COMMD1: variants seen among roughly 807,000 people sequenced by gnomAD.
The protein encoded by COMMD1 is COMM domain-containing protein 1.
Under a neutral mutation model 17.2 loss-of-function variants are expected in COMMD1, and 10 were observed. The ratio of observed to expected loss-of-function variants is 0.58; its 90% CI spans 0.36 to 0.99. COMMD1 has a LOEUF of 0.99. Among genes scored for constraint, COMMD1 ranks in the 50% least tolerant of loss-of-function variants. The pLI, the probability that COMMD1 is intolerant of heterozygous loss-of-function variation, is 0.01. For missense variants in COMMD1, 270 were observed against 231.8 expected (o/e 1.17, Z -1.07); for synonymous variants, 97 against 91.6 (o/e 1.06, Z -0.34).
chr2:62,116,333 CAG>C lies in COMMD1; in HGVS notation c.463-19494_463-19493del, dbSNP rs201932102. Reference sequence around the variant, plus strand: ...TGCCAAACCAAGTTGATGAGATAAACAGAGACTGTAATTTTACAGAGAAACTA... The same window carrying C: ...TGCCAAACCAAGTTGATGAGATAAACAGACTGTAATTTTACAGAGAAACTA... On this transcript the variant is annotated intron_variant, in intron 2 of 2. Transcript: ENST00000311832. Among the ~76,000 whole-genome samples the C allele has an allele frequency of 7.6e-4, 115 of 152,260 alleles. 1 individual carries two copies. In the East Asian group the frequency reaches 0.02, roughly 27 times the overall value.
At chr2:62,115,844 C>T (rs896517299) in intron 2 of COMMD1, among the ~76,000 whole-genome samples, 6 of 104,016 alleles carry the variant, frequency 5.8e-5, no homozygotes, top group Admixed American at 9.7e-5. Context: ...TTCTTTCTTT[C>T]TTTCTTTCTT....
At chr2:61,999,813 C>T (rs1227187707) in intron 1 of COMMD1, among the ~76,000 whole-genome samples, 1 of 151,988 alleles carries the variant, frequency 6.6e-6, no homozygotes, top group African/African-American at 2.4e-5. Flanking sequence ...TTATTGATAC[C>T]GAATTGAGTG....
chr2:61,969,533 C>G (rs531931001), intron 1 of COMMD1, among the ~76,000 whole-genome samples: 4 of 152,314 alleles, frequency 2.6e-5, no homozygotes, highest in East Asian at 3.9e-4. Context: ...GGAAACTTGA[C>G]AGAACTGTTG....
At position 61,967,409 on chromosome 2, in the gene COMMD1, G is replaced by A. The variant is rs537424232; in HGVS notation, c.181-33292G>A. On this transcript the variant is annotated intron_variant, in intron 1 of 2. Coordinates refer to ENST00000311832, the MANE Select transcript of COMMD1 (RefSeq NM_152516.4). The stretch of plus-strand genomic sequence containing the variant: ...AATTACCTCATGGTGGACTGGTAGT[G>A]AAGTTTGTGGTCTGGCACTGATATG... Among the ~76,000 whole-genome samples, 9 of 152,290 alleles carry A rather than the reference G, an allele frequency of 5.9e-5. No homozygotes were observed. In the East Asian group the frequency reaches 1.5e-3, roughly 26 times the overall value.
In COMMD1 at chr2:62,078,031, T is replaced by A. The variant is rs75265842; in HGVS notation, c.463-57800T>A. On this transcript the variant is annotated intron_variant, in intron 2 of 2. Coordinates refer to ENST00000311832, the MANE Select transcript of COMMD1 (RefSeq NM_152516.4). Reference sequence around the variant, plus strand: ...TGGCTCAGGCCTATAATCACAGAACTTTGGGAGGCCGAAGCAGGCGGATCA... The same window carrying A: ...TGGCTCAGGCCTATAATCACAGAACATTGGGAGGCCGAAGCAGGCGGATCA... Among the ~76,000 whole-genome samples, 5 of 152,052 alleles carry A rather than the reference T, an allele frequency of 3.3e-5. No individual in the cohort carries two copies. The East Asian group carries it at 9.7e-4, about 29-fold the overall frequency.
intron 1 of COMMD1, among the ~76,000 whole-genome samples, chr2:61,982,664 CTGTT>C (rs1364793041): frequency 1.3e-5 from 2 of 152,014 alleles, no homozygotes; most frequent in Admixed American, 6.6e-5. Context: ...TCTTTCTATC[CTGTT>C]TGTTTGTGTG....
chr2:62,019,044 T>TC (rs1558564698), intron 2 of COMMD1, among the ~76,000 whole-genome samples: 387 of 33,688 alleles, frequency 0.011, 8 homozygotes, highest in African/African-American at 0.042. Context: ...CCTCCCTCCC[T>TC]CCTTCCTTCC....
At chr2:61,917,818 A>G (rs1481170704) in intron 1 of COMMD1, among the ~76,000 whole-genome samples, 1 of 152,250 alleles carries the variant, frequency 6.6e-6, no homozygotes, top group East Asian at 1.9e-4. Flanking sequence ...GGCGTGAGCC[A>G]CTGCGCCCGG....
At chr2:62,051,244 A>T (rs1670524789) in intron 2 of COMMD1, among the ~76,000 whole-genome samples, 1 of 152,098 alleles carries the variant, frequency 6.6e-6, no homozygotes, top group African/African-American at 2.4e-5. Flanking sequence ...ATTAACTTAC[A>T]CTCTGGAGGG....
intron 1 of COMMD1, among the ~76,000 whole-genome samples, chr2:61,931,146 T>C (rs1229586025): frequency 6.6e-6 from 1 of 151,938 alleles, no homozygotes; most frequent in Admixed American, 6.6e-5. Flanking sequence ...ACCCCATCTC[T>C]ACAAAAAATA....
At chr2:62,045,679 G>T (rs2103906424) in intron 2 of COMMD1, among the ~76,000 whole-genome samples, 1 of 150,434 alleles carries the variant, frequency 6.6e-6, no homozygotes, top group Non-Finnish European at 1.5e-5. Flanking sequence ...TGGCATTGCA[G>T]GTGTGAGCCA....
At chr2:62,091,937 C>T (rs1172716304) in intron 2 of COMMD1, among the ~76,000 whole-genome samples, 2 of 152,170 alleles carry the variant, frequency 1.3e-5, no homozygotes, top group African/African-American at 2.4e-5. Context: ...TAGAGGTACC[C>T]TAAAAACTGG....
chr2:62,075,519 G>A (rs1040826847), intron 2 of COMMD1, among the ~76,000 whole-genome samples: 2 of 152,188 alleles, frequency 1.3e-5, no homozygotes, highest in African/African-American at 4.8e-5. Flanking sequence ...TATTTATGCT[G>A]TCTCAATTAT....
At chr2:62,078,470 G>C (rs1181372829) in intron 2 of COMMD1, among the ~76,000 whole-genome samples, 3 of 148,810 alleles carry the variant, frequency 2.0e-5, no homozygotes, top group African/African-American at 7.5e-5. Context: ...GGAGAATGGC[G>C]TGAACCCAGG....
At chr2:62,002,890 T>A (rs10175995) in intron 2 of COMMD1, among the ~76,000 whole-genome samples, 1,876 of 152,180 alleles carry the variant, frequency 0.012, 41 homozygotes, top group African/African-American at 0.043. Context: ...TATTCAGTTA[T>A]TATAAAGTAG....
rs370255433 is a variant in COMMD1, at chr2:62,132,670, C to T, written c.463-3161C>T. On this transcript the variant is annotated intron_variant, in intron 2 of 2. Coordinates refer to ENST00000311832, the MANE Select transcript of COMMD1 (RefSeq NM_152516.4). ...GACCAGCCTGGCCAACATGACGACA[C>T]CCTGTCTCTATTGAAAAAAAATACA... is the stretch of plus-strand genomic sequence containing the variant. Among the ~76,000 whole-genome samples, 267 of 152,148 alleles carry T rather than the reference C, an allele frequency of 1.8e-3. 5 individuals carry two copies. The South Asian group carries it at 0.053, about 30-fold the overall frequency.
chr2:62,030,884 T>C (rs1669893099), intron 2 of COMMD1, among the ~76,000 whole-genome samples: 2 of 152,088 alleles, frequency 1.3e-5, no homozygotes, highest in African/African-American at 4.8e-5. Flanking sequence ...CTGTGTAACC[T>C]CTTAAATTTT....
In COMMD1 at chr2:62,085,967, G is replaced by A. The variant is rs577604557; in HGVS notation, c.463-49864G>A. On this transcript the variant is annotated intron_variant, in intron 2 of 2. Transcript: ENST00000311832. ...CACTCCAGCCTGGGCGACAGAGCAA[G>A]ACTCTGTCTCAAAACAAAACAAAAC... Among the ~76,000 whole-genome samples the A allele has an allele frequency of 4.6e-5, 7 of 151,946 alleles. No individual in the cohort carries two copies. In the East Asian group the frequency reaches 1.4e-3, roughly 30 times the overall value.
At chr2:61,989,377 T>C (rs1217731425) in intron 1 of COMMD1, among the ~76,000 whole-genome samples, 1 of 152,180 alleles carries the variant, frequency 6.6e-6, no homozygotes, top group Non-Finnish European at 1.5e-5. Context: ...TATAGTATCA[T>C]GCAGATTGGT....
Sources: gnomAD v4.1 joint callset for allele counts (sites outside exome capture counted in the v4.1 genomes callset) on GRCh38, gnomAD v4.1.1 for gene constraint, MANE v1.5 for transcripts, NCBI Gene and HGNC (gene_info 2026-07-23, HGNC 2026-07-21) for gene names.